The following CAMKMT variants were observed in gnomAD, a reference collection of about 807,000 sequenced individuals.
CAMKMT encodes CaM KMT.
In CAMKMT, 53 loss-of-function variants were observed where a neutral mutation model predicts 48.0. The ratio of observed to expected loss-of-function variants is 1.10; its 90% CI spans 0.89 to 1.39. The LOEUF (loss-of-function observed/expected upper bound fraction) is 1.39, where lower values mean the gene tolerates loss of function less well. Ranked by LOEUF, CAMKMT falls within the 40% of genes most tolerant of loss-of-function variation. CAMKMT has a pLI of 0.00. For synonymous variants in CAMKMT, 165 were observed against 152.3 expected, an observed-to-expected ratio of 1.08 and a Z score of -0.61; for missense variants, 428 against 402.7, an observed-to-expected ratio of 1.06 and a Z score of -0.54.
chr2:44,481,297 ATC>A (rs965359259), intron 3 of CAMKMT, among the ~76,000 whole-genome samples: 2 of 152,086 alleles, frequency 1.3e-5, no homozygotes, highest in African/African-American at 2.4e-5. Flanking sequence ...TTCATATAAA[ATC>A]TATTTTTGAT....
Position 44,403,914 on chromosome 2 carries a change from G to C in CAMKMT, c.376+13609G>C, listed in dbSNP as rs112256046. Among the ~76,000 whole-genome samples, 268 of 152,182 alleles carry C rather than the reference G, an allele frequency of 1.8e-3. No homozygotes were observed. The Middle Eastern group carries it at 0.027, about 15-fold the overall frequency. Reference sequence around the variant, plus strand: ...AGAAATTCTTTCTTCCCTAATTTCTGAATTCTTCAGCCTTCAAGATTCAAC... The same window carrying C: ...AGAAATTCTTTCTTCCCTAATTTCTCAATTCTTCAGCCTTCAAGATTCAAC... On this transcript the variant is annotated intron_variant, in intron 3 of 10. Coordinates refer to ENST00000378494, the MANE Select transcript of CAMKMT (RefSeq NM_024766.5).
chr2:44,594,865 G>A (rs951069648), intron 3 of CAMKMT, among the ~76,000 whole-genome samples: 3 of 152,166 alleles, frequency 2.0e-5, no homozygotes, highest in Non-Finnish European at 2.9e-5. Flanking sequence ...TATCATCAGA[G>A]TGAACAGGCA....
chr2:44,378,931 A>G (rs1031814695), intron 2 of CAMKMT, among the ~76,000 whole-genome samples: 6 of 152,198 alleles, frequency 3.9e-5, no homozygotes, highest in South Asian at 2.1e-4. Flanking sequence ...ACATAACAAA[A>G]TTTGCTATTT....
intron 3 of CAMKMT, among the ~76,000 whole-genome samples, chr2:44,511,665 A>C (rs1670563696): frequency 6.6e-6 from 1 of 152,194 alleles, no homozygotes; most frequent in Non-Finnish European, 1.5e-5. Flanking sequence ...TTTGTAAATT[A>C]TCTGAAAGTA....
Position 44,417,504 on chromosome 2 carries a change from C to G in CAMKMT, c.376+27199C>G, listed in dbSNP as rs1285069354. Among the ~76,000 whole-genome samples the G allele has an allele frequency of 2.6e-5, 4 of 152,312 alleles. No individual in the cohort carries two copies. The East Asian group carries it at 5.8e-4, about 22-fold the overall frequency. ...CGGTTTTGGGCTGTTTTGCATAAAACTAGTGTGAACATTCATATACAAGTT... is the reference window on the plus strand; with the variant it reads ...CGGTTTTGGGCTGTTTTGCATAAAAGTAGTGTGAACATTCATATACAAGTT... On this transcript the variant is annotated intron_variant, in intron 3 of 10. Transcript: ENST00000378494.
At chr2:44,690,715 C>G (rs1488510124) in intron 3 of CAMKMT, among the ~76,000 whole-genome samples, 1 of 152,132 alleles carries the variant, frequency 6.6e-6, no homozygotes, top group East Asian at 1.9e-4. Context: ...GTGGCTCACG[C>G]CTGTAATACC....
intron 2 of CAMKMT, among the ~76,000 whole-genome samples, chr2:44,382,900 T>C (rs937077667): frequency 3.3e-5 from 5 of 152,232 alleles, no homozygotes; most frequent in African/African-American, 1.2e-4. Flanking sequence ...TACTATGTTT[T>C]AGTTTGCTTG....
chr2:44,750,485 G>A (rs1471128086), intron 8 of CAMKMT, among the ~76,000 whole-genome samples: 1 of 152,080 alleles, frequency 6.6e-6, no homozygotes, highest in African/African-American at 2.4e-5. Context: ...AAAAGACATC[G>A]TTGTCAATTT....
At chr2:44,698,849 C>T (rs990385182) in intron 3 of CAMKMT, among the ~76,000 whole-genome samples, 1 of 152,238 alleles carries the variant, frequency 6.6e-6, no homozygotes, top group African/African-American at 2.4e-5. Context: ...TCAATCCTCT[C>T]AAACCCTGCC....
chr2:44,646,078 G>A (rs1190947290), intron 3 of CAMKMT, among the ~76,000 whole-genome samples: 1 of 152,196 alleles, frequency 6.6e-6, no homozygotes, highest in Non-Finnish European at 1.5e-5. Context: ...AGATCGAGAA[G>A]ACAACTGATT....
At chr2:44,629,167 A>C (rs572442926) in intron 3 of CAMKMT, among the ~76,000 whole-genome samples, 2 of 152,262 alleles carry the variant, frequency 1.3e-5, no homozygotes, top group South Asian at 4.1e-4. Context: ...GTTTATTTCT[A>C]TCAGCTTCTG....
At chr2:44,591,993 C>T (rs1670314793) in intron 3 of CAMKMT, among the ~76,000 whole-genome samples, 2 of 147,590 alleles carry the variant, frequency 1.4e-5, no homozygotes, top group African/African-American at 2.5e-5. Flanking sequence ...TATTCTCACT[C>T]ATAGGTGGGA....
chr2:44,766,261 A>G (rs115527191), intron 9 of CAMKMT, among the ~76,000 whole-genome samples, 169 bp from the exon 10 acceptor site: 4 of 152,218 alleles, frequency 2.6e-5, no homozygotes, highest in African/African-American at 9.6e-5. Flanking sequence ...TATGATATAC[A>G]TCTCTCCTGG....
chr2:44,716,581 A>G (rs1280541518), intron 7 of CAMKMT, among the ~76,000 whole-genome samples: 1 of 152,200 alleles, frequency 6.6e-6, no homozygotes, highest in Non-Finnish European at 1.5e-5. Flanking sequence ...TAAATGAACA[A>G]ACCACTTCTG....
intron 3 of CAMKMT, among the ~76,000 whole-genome samples, chr2:44,629,963 G>A (rs1192736830): frequency 6.6e-6 from 1 of 151,708 alleles, no homozygotes; most frequent in East Asian, 1.9e-4. Flanking sequence ...AAAGAACAAA[G>A]CCAGAGGCAT....
At chr2:44,694,293 G>A (rs1676818443) in intron 3 of CAMKMT, among the ~76,000 whole-genome samples, 1 of 152,162 alleles carries the variant, frequency 6.6e-6, no homozygotes. Context: ...ATAATTCTAG[G>A]CCAGGTGCGG....
rs892314218 is a variant in CAMKMT, at chr2:44,408,640, C to G, written c.376+18335C>G. On this transcript the variant is annotated intron_variant, in intron 3 of 10. Transcript: ENST00000378494. ...GGTTAGTATAACTTCAAAGTCTGAACTCATTTTGTTTTATTACTCTGCCTC... is the reference window on the plus strand; with the variant it reads ...GGTTAGTATAACTTCAAAGTCTGAAGTCATTTTGTTTTATTACTCTGCCTC... Among the ~76,000 whole-genome samples, 5 of 152,018 alleles carry G rather than the reference C, an allele frequency of 3.3e-5. No homozygotes were observed. The East Asian group carries it at 9.6e-4, about 29-fold the overall frequency.
intron 3 of CAMKMT, among the ~76,000 whole-genome samples, chr2:44,500,748 C>A (rs1244316367): frequency 6.7e-6 from 1 of 149,814 alleles, no homozygotes; most frequent in African/African-American, 2.5e-5. Flanking sequence ...GTGGCACAAT[C>A]TCAGCTCACT....
At chr2:44,697,945 A>C (rs1297503585) in intron 3 of CAMKMT, among the ~76,000 whole-genome samples, 1 of 152,194 alleles carries the variant, frequency 6.6e-6, no homozygotes, top group South Asian at 2.1e-4. Context: ...AAGCAGAAAT[A>C]CTGGGGAAAG....
Sources: gnomAD v4.1 joint callset for allele counts (sites outside exome capture counted in the v4.1 genomes callset) on GRCh38, gnomAD v4.1.1 for gene constraint, MANE v1.5 for transcripts, NCBI Gene and HGNC (gene_info 2026-07-23, HGNC 2026-07-21) for gene names.